The following NKAIN3 variants were observed in gnomAD, a reference collection of about 807,000 sequenced individuals.
NKAIN3 encodes the protein sodium/potassium-transporting ATPase subunit beta-1-interacting protein 3.
NKAIN3 carries 25 observed loss-of-function variants against 30.2 expected under a neutral mutation model. That is an observed-to-expected ratio of 0.83 (90% CI 0.60 to 1.16). The LOEUF is 1.16. NKAIN3 is among the 50% of genes most tolerant of loss of function. The probability of loss-of-function intolerance (pLI) is 0.00; values close to 1 mark genes in which losing one functional copy is unlikely to be tolerated. For missense variants in NKAIN3, 225 were observed against 254.1 expected (o/e 0.89, Z 0.78); for synonymous variants, 91 against 89.6 (o/e 1.02, Z -0.09).
chr8:62,328,834 C>T (rs2129589877), intron 1 of NKAIN3, among the ~76,000 whole-genome samples: 1 of 152,142 alleles, frequency 6.6e-6, no homozygotes, highest in East Asian at 1.9e-4. Flanking sequence ...TGGGATTCAG[C>T]CTTCAAGATA....
intron 1 of NKAIN3, among the ~76,000 whole-genome samples, chr8:62,555,722 A>C (rs1441905022): frequency 2.0e-5 from 3 of 152,072 alleles, no homozygotes; most frequent in Non-Finnish European, 4.4e-5. Context: ...ATCAAATTCC[A>C]GGAAGACTGC....
At chr8:62,650,779 A>G (rs140345185) in intron 3 of NKAIN3, among the ~76,000 whole-genome samples, 3 of 152,242 alleles carry the variant, frequency 2.0e-5, no homozygotes, top group Middle Eastern at 3.4e-3. Flanking sequence ...TATTCTCATT[A>G]TTTTATTGCA....
rs540268695 is a variant in NKAIN3, at chr8:62,373,974, G to C, written c.54+124847G>C. 2.6e-5 allele frequency among the ~76,000 whole-genome samples: 4 copies of C among 151,692 alleles called. 1 individual carries two copies. The South Asian group carries it at 8.3e-4, about 32-fold the overall frequency. On this transcript the variant is annotated intron_variant, in intron 1 of 6. Transcript: ENST00000623646. Reference sequence around the variant, plus strand: ...CTAAAATACAAAAAATTAGCCAGGCGTGGTGGCAGGCGCCTGTAGTCCCAG... The same window carrying C: ...CTAAAATACAAAAAATTAGCCAGGCCTGGTGGCAGGCGCCTGTAGTCCCAG...
intron 4 of NKAIN3, chr8:62,856,062 C>T (rs1387541025): frequency 1.0e-5 from 7 of 698,456 alleles, no homozygotes; most frequent in Non-Finnish European, 1.6e-5. Context: ...CAAGGGCTTA[C>T]ACCCCATGAG....
At chr8:62,271,929 G>A (rs940929626) in intron 1 of NKAIN3, among the ~76,000 whole-genome samples, 6 of 152,254 alleles carry the variant, frequency 3.9e-5, no homozygotes, top group South Asian at 2.1e-4. Flanking sequence ...GGGTGGAAGC[G>A]TTGTGCTATT....
rs895431000 is a variant in NKAIN3 at position 62,754,353 on chromosome 8, T to G, written c.471+7224T>G. On this transcript the variant is annotated intron_variant, in intron 4 of 6. Coordinates refer to ENST00000623646, the MANE Select transcript of NKAIN3 (RefSeq NM_001304533.3). ...GTAAACATGGATTCATATGCTCATGTTGATTAGTGCACACACACACACACA... is the reference window on the plus strand; with the variant it reads ...GTAAACATGGATTCATATGCTCATGGTGATTAGTGCACACACACACACACA... 1.4e-4 allele frequency among the ~76,000 whole-genome samples: 17 copies of G among 121,814 alleles called. No homozygotes were observed. The Admixed American group carries it at 1.6e-3, about 12-fold the overall frequency. 79.9% of individuals were successfully genotyped at this position (121,814 alleles called of 152,430 possible).
chr8:62,259,792 T>C (rs1812376267), intron 1 of NKAIN3, among the ~76,000 whole-genome samples: 1 of 152,134 alleles, frequency 6.6e-6, no homozygotes, highest in Non-Finnish European at 1.5e-5. Context: ...AACTGGTAGG[T>C]TGCTGTTCTG....
At chr8:62,420,585 CT>C (rs1263387947) in intron 1 of NKAIN3, among the ~76,000 whole-genome samples, 4 of 152,042 alleles carry the variant, frequency 2.6e-5, no homozygotes. Flanking sequence ...TTTATGTAGC[CT>C]TTTAAAAATA....
intron 4 of NKAIN3, among the ~76,000 whole-genome samples, chr8:62,752,810 T>C (rs761053662): frequency 6.6e-5 from 10 of 152,114 alleles, no homozygotes; most frequent in Non-Finnish European, 1.5e-4. Context: ...GTATGTAAAA[T>C]TTTTTTTAAT....
At chr8:62,372,040 T>C (rs1392731857) in intron 1 of NKAIN3, among the ~76,000 whole-genome samples, 2 of 151,950 alleles carry the variant, frequency 1.3e-5, no homozygotes, top group Non-Finnish European at 2.9e-5. Flanking sequence ...GTCAGAGATA[T>C]ATCTTAGTCC....
chr8:62,466,310 C>T (rs529531361), intron 1 of NKAIN3, among the ~76,000 whole-genome samples: 2 of 152,116 alleles, frequency 1.3e-5, no homozygotes, highest in African/African-American at 4.8e-5. Flanking sequence ...TAGTATCTAC[C>T]TTTCTTTCCA....
In NKAIN3 at chr8:62,386,043, A is replaced by G. The variant is rs576540749; in HGVS notation, c.54+136916A>G. ...CCACATGGTGGTCTCAGTGTTCTCA[A>G]AGCGCTGGGTACAAAAGTACTTGTG... is the stretch of plus-strand genomic sequence containing the variant. On this transcript the variant is annotated intron_variant, in intron 1 of 6. Coordinates refer to ENST00000623646, the MANE Select transcript of NKAIN3 (RefSeq NM_001304533.3). 2.6e-5 allele frequency among the ~76,000 whole-genome samples: 4 copies of G among 152,256 alleles called. No individual in the cohort carries two copies. The East Asian group carries it at 7.7e-4, about 29-fold the overall frequency.
chr8:62,569,538 G>A (rs866726114), intron 1 of NKAIN3, among the ~76,000 whole-genome samples: 1 of 152,136 alleles, frequency 6.6e-6, no homozygotes, highest in Non-Finnish European at 1.5e-5. Flanking sequence ...CACTTTGGGA[G>A]GCTGAGTTGG....
chr8:62,891,953 G>A (rs959626530), intron 4 of NKAIN3, among the ~76,000 whole-genome samples: 3 of 152,052 alleles, frequency 2.0e-5, no homozygotes, highest in African/African-American at 7.2e-5. Flanking sequence ...AAAACTATTT[G>A]AGAATCCATG....
chr8:62,549,142 T>C lies in NKAIN3; in HGVS notation c.55-30397T>C, dbSNP rs148740924. On this transcript the variant is annotated intron_variant, in intron 1 of 6. Coordinates refer to ENST00000623646, the MANE Select transcript of NKAIN3 (RefSeq NM_001304533.3). ...TCTCCTTTTACTGTGAACGCTATAG[T>C]ATTTCCTAAAATTTGCTGAAACTCA... Among the ~76,000 whole-genome samples the C allele has an allele frequency of 1.9e-3, 296 of 152,330 alleles. 1 individual carries two copies. The highest frequency in any genetic ancestry group is 6.8e-3 in the African/African-American group (284 of 41,576).
chr8:62,742,981 A>C (rs1586152097), intron 3 of NKAIN3, among the ~76,000 whole-genome samples: 1 of 152,168 alleles, frequency 6.6e-6, no homozygotes, highest in East Asian at 1.9e-4. Context: ...AGACCATTAA[A>C]TCTTGTGAGA....
intron 3 of NKAIN3, among the ~76,000 whole-genome samples, chr8:62,713,226 C>T (rs191541063): frequency 2.8e-4 from 43 of 152,254 alleles, no homozygotes; most frequent in East Asian, 2.7e-3. Context: ...ACTTGGGGTC[C>T]GCTGTCAGCT....
chr8:62,957,019 T>G (rs1364009155), intron 6 of NKAIN3, among the ~76,000 whole-genome samples: 1 of 152,234 alleles, frequency 6.6e-6, no homozygotes, highest in African/African-American at 2.4e-5. Flanking sequence ...TTTGGCAGTT[T>G]CTTACAAAAC....
intron 4 of NKAIN3, among the ~76,000 whole-genome samples, chr8:62,913,955 A>G (rs1822001630): frequency 6.6e-6 from 1 of 152,192 alleles, no homozygotes; most frequent in Non-Finnish European, 1.5e-5. Flanking sequence ...AAGAGCAAAA[A>G]GCAGAACTAC....
Sources: allele counts gnomAD v4.1 joint callset (sites outside exome capture counted in the v4.1 genomes callset), GRCh38; gene constraint gnomAD v4.1.1; transcripts MANE v1.5; gene names NCBI Gene and HGNC (gene_info 2026-07-23, HGNC 2026-07-21).